PTPRQ: variants seen among roughly 807,000 people sequenced by gnomAD.
The protein encoded by PTPRQ is protein tyrosine phosphatase receptor type Q.
Under a neutral mutation model 246.0 loss-of-function variants are expected in PTPRQ, and 199 were observed. The ratio of observed to expected loss-of-function variants is 0.81; its 90% CI spans 0.72 to 0.91. The LOEUF (loss-of-function observed/expected upper bound fraction) is 0.91. Ranked by LOEUF, PTPRQ falls within the 40% of genes least tolerant of loss-of-function variation. The probability of loss-of-function intolerance (pLI) is 0.00; values close to 1 mark genes in which losing one functional copy is unlikely to be tolerated. For missense variants in PTPRQ, 2,624 were observed against 2,528.4 expected, an observed-to-expected ratio of 1.04 and a Z score of -0.81; for synonymous variants, 869 against 853.2, an observed-to-expected ratio of 1.02 and a Z score of -0.32.
chr12:80,543,020 G>C (rs1896201623), intron 23 of PTPRQ, 139 bp downstream of exon 23: 1 of 635,200 alleles, frequency 1.6e-6, no homozygotes, highest in Non-Finnish European at 2.5e-6. Flanking sequence ...TACAATTTAA[G>C]GATGCTTATG....
At chr12:80,478,802 G>A (rs559627364) in intron 8 of PTPRQ, among the ~76,000 whole-genome samples, 5 of 152,276 alleles carry the variant, frequency 3.3e-5, no homozygotes, top group South Asian at 2.1e-4. Context: ...TGAATGAAAC[G>A]AAGCGAGAAG....
intron 19 of PTPRQ, among the ~76,000 whole-genome samples, chr12:80,538,102 C>G (rs1896043674): frequency 6.6e-6 from 1 of 151,718 alleles, no homozygotes; most frequent in Non-Finnish European, 1.5e-5. Context: ...GAGTGAGACT[C>G]TGTTTTAAAG....
rs3071377 is a variant in PTPRQ, at chr12:80,618,360, T to TCACACACACA, written c.5231-989_5231-980dup. ...ACTTACTGATGCTCAAGCACTACAT[T>TCACACACACA]CACACACACACACACACACACACAC... On this transcript the variant is annotated intron_variant, in intron 30 of 44. Coordinates refer to ENST00000644991, the MANE Select transcript of PTPRQ (RefSeq NM_001145026.2). Among the ~76,000 whole-genome samples, 233 of 125,636 alleles carry TCACACACACA rather than the reference T, an allele frequency of 1.9e-3. 4 individuals are homozygous for TCACACACACA. The highest frequency in any genetic ancestry group is 1.5e-3 in the African/African-American group (55 of 36,014). 82.4% of individuals were successfully genotyped at this position (125,636 alleles called of 152,430 possible).
rs1217260460 is a variant in PTPRQ, at chr12:80,495,325, C to T, written c.1836C>T (p.Asn612=). The T allele has an allele frequency of 1.3e-6, 2 of 1,535,986 alleles. No individual in the cohort carries two copies. Among genetic ancestry groups the T allele is most frequent in the Non-Finnish European group, 1.7e-6 (2 of 1,142,864 alleles). The change falls in exon 12 of 45, where the codon AAC becomes AAT. Residue 612 remains asparagine, a synonymous_variant. Transcript: ENST00000644991. ...YTIYAMELDT[N]RAFQITTIDN... ...TTTATGCAATGGAATTGGATACAAA[C>T]AGAGCATTCCAGATAACTACCATAG...
At chr12:80,657,706 G>A (rs539914240) in intron 38 of PTPRQ, among the ~76,000 whole-genome samples, 3 of 151,682 alleles carry the variant, frequency 2.0e-5, no homozygotes, top group African/African-American at 2.4e-5. Flanking sequence ...TGAAAAAAAC[G>A]ATTTGCAGAA....
At chr12:80,673,423 T>C (rs1901036943) in intron 43 of PTPRQ, 119 bp downstream of exon 43, 1 of 1,413,090 alleles carries the variant, frequency 7.1e-7, no homozygotes, top group African/African-American at 1.5e-5. Flanking sequence ...TTTTCCTACA[T>C]TATAAGCCTT....
At chr12:80,667,541 C>T (rs2121276746) in intron 39 of PTPRQ, among the ~76,000 whole-genome samples, 1 of 151,864 alleles carries the variant, frequency 6.6e-6, no homozygotes, top group East Asian at 1.9e-4. Context: ...ATGTCTATTT[C>T]TCCTAATGAT....
At chr12:80,520,517 C>A (rs1348873694) in intron 17 of PTPRQ, among the ~76,000 whole-genome samples, 5 of 125,932 alleles carry the variant, frequency 4.0e-5, no homozygotes, top group East Asian at 3.0e-4. Context: ...CCCCTCCCCC[C>A]ACCCCACAAC....
rs1176393485 is a variant in PTPRQ, at chr12:80,471,474, A to ATTTTTTTTTTTTTTTTTTTTTTTTTT, written c.1040-614_1040-613insTTTTTTTTTTTTTTTTTTTTTTTTTT. Among the ~76,000 whole-genome samples the ATTTTTTTTTTTTTTTTTTTTTTTTTT allele has an allele frequency of 1.2e-4, 9 of 73,198 alleles. 3 individuals are homozygous for ATTTTTTTTTTTTTTTTTTTTTTTTTT. Among genetic ancestry groups the ATTTTTTTTTTTTTTTTTTTTTTTTTT allele is most frequent in the African/African-American group, 1.2e-4 (2 of 16,858 alleles). The allele number at this position is 73,198 out of a possible 152,430, so 48.0% of individuals were successfully genotyped here. A position where few individuals can be genotyped will look rare whatever the true frequency, so the allele number is the denominator to read the frequency against. On this transcript the variant is annotated intron_variant, in intron 7 of 44. Transcript: ENST00000644991. ...ATAGAAGATAATGAAATTATTTAGC[A>ATTTTTTTTTTTTTTTTTTTTTTTTTT]TTTTTTTTTTTTTTTTTATTTGAGA...
intron 14 of PTPRQ, 26 bp from the exon 15 acceptor site, chr12:80,505,998 T>C: frequency 6.5e-7 from 1 of 1,528,594 alleles, no homozygotes; most frequent in Non-Finnish European, 8.8e-7. Flanking sequence ...AATTGTTTTA[T>C]GTATCTATAT....
intron 33 of PTPRQ, among the ~76,000 whole-genome samples, chr12:80,630,728 T>A (rs1899397663): frequency 2.6e-5 from 4 of 152,212 alleles, no homozygotes; most frequent in African/African-American, 7.2e-5. Context: ...AATTTTTTTT[T>A]ATTTTGAGCT....
intron 8 of PTPRQ, among the ~76,000 whole-genome samples, chr12:80,480,046 C>A (rs1457082412): frequency 6.6e-6 from 1 of 151,870 alleles, no homozygotes; most frequent in Admixed American, 6.6e-5. Flanking sequence ...ACAGAACTCT[C>A]CACCCCAAAT....
intron 27 of PTPRQ, among the ~76,000 whole-genome samples, chr12:80,606,659 T>A (rs142883879): frequency 6.6e-6 from 1 of 151,050 alleles, no homozygotes; most frequent in Non-Finnish European, 1.5e-5. Flanking sequence ...AATTTTATTA[T>A]GTCTTTGTAG....
At chr12:80,591,552 A>G (rs188645377) in intron 26 of PTPRQ, among the ~76,000 whole-genome samples, 217 of 152,338 alleles carry the variant, frequency 1.4e-3, no homozygotes, top group Non-Finnish European at 2.3e-3. Flanking sequence ...TTTCCAGTGC[A>G]GGTGATGATA....
At chr12:80,570,708 A>G (rs977627215) in intron 25 of PTPRQ, among the ~76,000 whole-genome samples, 7 of 152,078 alleles carry the variant, frequency 4.6e-5, no homozygotes, top group African/African-American at 7.2e-5. Context: ...TAGGGTTTTT[A>G]GGGTTTTAGG....
At chr12:80,465,870 C>G (rs1171867977) in intron 6 of PTPRQ, among the ~76,000 whole-genome samples, 7 of 152,126 alleles carry the variant, frequency 4.6e-5, no homozygotes, top group Non-Finnish European at 8.8e-5. Flanking sequence ...ATAATAAGAG[C>G]TATCTATGAC....
At chr12:80,484,723 T>G (rs919649729) in intron 9 of PTPRQ, 118 bp downstream of exon 9, 14 of 1,252,576 alleles carry the variant, frequency 1.1e-5, no homozygotes, top group Non-Finnish European at 1.5e-5. Flanking sequence ...TAGTACAAAG[T>G]AAAGTAAATT....
At position 80,496,063 on chromosome 12, in the gene PTPRQ, T is replaced by C; in HGVS notation, c.1947T>C (p.Ser649=). The change falls in exon 13 of 45, where the codon TCT becomes TCC. Residue 649 remains serine, a synonymous_variant. Transcript: ENST00000644991. ...VAASTHVGES[S]LSEENDIFVR... ...CCTCAACCCACGTTGGAGAAAGTTC[T>C]TTGTCTGAAGAAAATGACATCTTTG... 1 of 1,549,968 alleles carries C rather than the reference T, an allele frequency of 6.5e-7. No individual in the cohort carries two copies. Among genetic ancestry groups the C allele is most frequent in the Non-Finnish European group, 8.7e-7 (1 of 1,146,268 alleles).
chr12:80,482,613 C>T (rs1894110016), intron 8 of PTPRQ, among the ~76,000 whole-genome samples: 1 of 150,592 alleles, frequency 6.6e-6, no homozygotes, highest in African/African-American at 2.5e-5. Context: ...AGAAAATTGT[C>T]ACAACCTACT....
Sources: allele counts gnomAD v4.1 joint callset (sites outside exome capture counted in the v4.1 genomes callset), GRCh38; gene constraint gnomAD v4.1.1; transcripts MANE v1.5; gene names NCBI Gene and HGNC (gene_info 2026-07-23, HGNC 2026-07-21).